Variants in MAK observed in about 807,000 individuals in gnomAD.
The protein encoded by MAK is serine/threonine-protein kinase MAK.
Under a neutral mutation model 82.6 loss-of-function variants are expected in MAK, and 65 were observed. The ratio of observed to expected loss-of-function variants is 0.79; its 90% confidence interval spans 0.64 to 0.97. MAK has a LOEUF of 0.97. MAK is among the 50% of genes least tolerant of loss of function. The pLI is 0.00. For missense variants in MAK, 703 were observed against 780.2 expected (o/e 0.90, Z 1.18); for synonymous variants, 250 against 274.2 (o/e 0.91, Z 0.87).
At chr6:10,833,600 G>A (rs1778962896) in intron 1 of MAK, among the ~76,000 whole-genome samples, 1 of 122,164 alleles carries the variant, frequency 8.2e-6, no homozygotes, top group Admixed American at 8.1e-5. Flanking sequence ...GCGAGACTCT[G>A]TCTCAAAATA....
intron 2 of MAK, among the ~76,000 whole-genome samples, chr6:10,823,851 G>A (rs1041068082): frequency 6.6e-6 from 1 of 152,068 alleles, no homozygotes; most frequent in Non-Finnish European, 1.5e-5. Context: ...TTTAATTTTA[G>A]GGGAAAAGTA....
chr6:10,764,452 C>T lies in MAK; in HGVS notation c.1947G>A (p.Ter649=), dbSNP rs894820976. The T allele has an allele frequency of 1.2e-6, 2 of 1,613,944 alleles. No homozygotes were observed. Among genetic ancestry groups the T allele is most frequent in the East Asian group, 2.2e-5 (1 of 44,880 alleles). The change falls in exon 15 of 15, where the codon TAG becomes TAA. Residue 649 remains the stop codon, a stop_retained_variant. Coordinates refer to ENST00000354489, the MANE Select transcript of MAK (RefSeq NM_001242957.3). The part of the protein sequence containing the change: ...DWVAKYGGHR[*] ...CTGTAGGGTTTCACACCATAGACTC[C>T]TACCGGTGGCCTCCATACTTGGCCA...
At chr6:10,812,340 G>A (rs976944529) in intron 5 of MAK, among the ~76,000 whole-genome samples, 2 of 152,136 alleles carry the variant, frequency 1.3e-5, no homozygotes. Flanking sequence ...AACATCTAGT[G>A]ATTCTAAACA....
intron 10 of MAK, among the ~76,000 whole-genome samples, chr6:10,789,491 T>C (rs148008673): frequency 2.6e-4 from 40 of 152,262 alleles, no homozygotes; most frequent in African/African-American, 7.2e-4. Context: ...ACAGATAGTA[T>C]CAAACCCTAT....
intron 10 of MAK, among the ~76,000 whole-genome samples, chr6:10,790,992 C>T (rs946621618): frequency 1.3e-5 from 2 of 152,184 alleles, no homozygotes; most frequent in African/African-American, 4.8e-5. Context: ...GGATCCTCTG[C>T]CACCTTCTGC....
At chr6:10,826,246 C>A (rs1562004058) in intron 2 of MAK, among the ~76,000 whole-genome samples, 1 of 151,562 alleles carries the variant, frequency 6.6e-6, no homozygotes, top group Non-Finnish European at 1.5e-5. Context: ...TTCCCCCCAC[C>A]CCCCCTTTTA....
At chr6:10,798,916 G>A (rs1403401604) in intron 8 of MAK, among the ~76,000 whole-genome samples, 1 of 151,680 alleles carries the variant, frequency 6.6e-6, no homozygotes, top group Non-Finnish European at 1.5e-5. Flanking sequence ...TGCAACCTCC[G>A]CCTCCTGGGT....
chr6:10,801,375 A>G (rs1427315928), intron 8 of MAK, among the ~76,000 whole-genome samples: 2 of 152,248 alleles, frequency 1.3e-5, no homozygotes, highest in African/African-American at 4.8e-5. Context: ...ATCTGTAGAT[A>G]TGTCAGGTGT....
At chr6:10,814,516 A>G (rs1777312829) in intron 4 of MAK, among the ~76,000 whole-genome samples, 1 of 151,238 alleles carries the variant, frequency 6.6e-6, no homozygotes, top group Non-Finnish European at 1.5e-5. Context: ...AAAAAATACA[A>G]AAATTAGCCA....
intron 8 of MAK, among the ~76,000 whole-genome samples, chr6:10,801,261 A>T (rs892801704): frequency 4.6e-5 from 7 of 152,232 alleles, no homozygotes; most frequent in Non-Finnish European, 2.9e-5. Context: ...TTTCACATGG[A>T]ATTTATATTT....
At chr6:10,813,502 TA>T in intron 5 of MAK, 141 bp downstream of exon 5, 1 of 605,776 alleles carries the variant, frequency 1.7e-6, no homozygotes, top group Non-Finnish European at 3.0e-6. Context: ...AGTTTTTAAA[TA>T]AAAATGTCAG....
chr6:10,834,612 T>A (rs994244068), intron 1 of MAK, among the ~76,000 whole-genome samples: 3 of 152,180 alleles, frequency 2.0e-5, no homozygotes, highest in Admixed American at 6.5e-5. Flanking sequence ...TATTGCTGAC[T>A]ACCTGGAAAG....
chr6:10,794,814 G>C (rs1775379906), intron 9 of MAK, among the ~76,000 whole-genome samples: 1 of 151,362 alleles, frequency 6.6e-6, no homozygotes, highest in Non-Finnish European at 1.5e-5. Context: ...CCAACATGGA[G>C]AAACCCCATC....
At chr6:10,784,786 TGAC>T in intron 10 of MAK, 1 of 682,660 alleles carries the variant, frequency 1.5e-6, no homozygotes, top group Non-Finnish European at 2.7e-6. Flanking sequence ...TACCAGTATG[TGAC>T]AGGAACCTTT....
chr6:10,772,589 C>T lies in MAK; in HGVS notation c.1672+445G>A, dbSNP rs181804567. ...CTATCTCTTGATCTCATGATCTGCC[C>T]GGCTCGGCCTCCTGAAGTGCTGGGA... On this transcript the variant is annotated intron_variant, in intron 13 of 14. Coordinates refer to ENST00000354489, the MANE Select transcript of MAK (RefSeq NM_001242957.3). 4.0e-3 allele frequency among the ~76,000 whole-genome samples: 601 copies of T among 152,012 alleles called. 9 individuals carry two copies. The highest frequency in any genetic ancestry group is 0.014 in the African/African-American group (571 of 41,446).
chr6:10,811,804 T>G (rs1776954691), intron 5 of MAK, among the ~76,000 whole-genome samples: 1 of 152,200 alleles, frequency 6.6e-6, no homozygotes, highest in Non-Finnish European at 1.5e-5. Context: ...TTTTATAAGT[T>G]TAAGAAGTGT....
intron 10 of MAK, among the ~76,000 whole-genome samples, chr6:10,789,919 G>C (rs903414366): frequency 2.6e-5 from 4 of 152,148 alleles, no homozygotes; most frequent in African/African-American, 4.8e-5. Flanking sequence ...GCCTCCCAAA[G>C]TGCTGGGATT....
intron 6 of MAK, among the ~76,000 whole-genome samples, chr6:10,805,390 G>A (rs138221142): frequency 3.3e-5 from 5 of 151,874 alleles, no homozygotes; most frequent in South Asian, 4.2e-4. Context: ...GTTCGAGACC[G>A]GCCTGGCCAA....
chr6:10,824,790 C>T (rs1023793275), intron 2 of MAK, among the ~76,000 whole-genome samples: 1 of 152,204 alleles, frequency 6.6e-6, no homozygotes, highest in Admixed American at 6.5e-5. Context: ...GCCGTACTTC[C>T]CGCTACTCCT....
Sources: allele counts gnomAD v4.1 joint callset (sites outside exome capture counted in the v4.1 genomes callset), GRCh38; gene constraint gnomAD v4.1.1; transcripts MANE v1.5; gene names NCBI Gene and HGNC (gene_info 2026-07-23, HGNC 2026-07-21).